The following HS6ST3 variants were observed in gnomAD, a reference collection of about 807,000 sequenced individuals.
HS6ST3 encodes the protein heparan-sulfate 6-O-sulfotransferase 3.
Under a neutral mutation model 36.7 loss-of-function variants are expected in HS6ST3, and 12 were observed. The ratio of observed to expected loss-of-function variants is 0.33; its 90% CI spans 0.21 to 0.53. The LOEUF is 0.53. HS6ST3 is among the 20% of genes least tolerant of loss of function. HS6ST3 has a pLI of 0.95. For synonymous variants in HS6ST3, 240 were observed against 257.5 expected, an observed-to-expected ratio of 0.93 and a Z score of 0.65; for missense variants, 584 against 640.9, an observed-to-expected ratio of 0.91 and a Z score of 0.96.
intron 1 of HS6ST3, among the ~76,000 whole-genome samples, chr13:96,799,990 A>ATATATGTG (rs1566456864): frequency 8.2e-6 from 1 of 122,218 alleles, no homozygotes; most frequent in African/African-American, 4.2e-5. Context: ...ATGTATATAT[A>ATATATGTG]TATATATGTA....
chr13:96,650,700 T>C (rs953666515), intron 1 of HS6ST3, among the ~76,000 whole-genome samples: 5 of 152,010 alleles, frequency 3.3e-5, no homozygotes, highest in Non-Finnish European at 5.9e-5. Context: ...TGTGGGTGAA[T>C]GCATGGGGAA....
intron 1 of HS6ST3, among the ~76,000 whole-genome samples, chr13:96,434,021 C>A (rs2055629483): frequency 6.6e-6 from 1 of 152,116 alleles, no homozygotes; most frequent in Non-Finnish European, 1.5e-5. Context: ...CAGACTAATA[C>A]AAGGGTGTAG....
intron 1 of HS6ST3, among the ~76,000 whole-genome samples, chr13:96,351,361 G>T (rs913250876): frequency 1.4e-5 from 2 of 143,188 alleles, no homozygotes; most frequent in Admixed American, 1.4e-4. Context: ...TTGCTGGGTT[G>T]CCCAGGCTGG....
At position 96,702,962 on chromosome 13, in the gene HS6ST3, T is replaced by C. The variant is rs145084879; in HGVS notation, c.708-129528T>C. On this transcript the variant is annotated intron_variant, in intron 1 of 1. Coordinates refer to ENST00000376705, the MANE Select transcript of HS6ST3 (RefSeq NM_153456.4). Reference sequence around the variant, plus strand: ...TACAGTGTTGTTATTGTTGTTATTTTATGCTCTATAACTTTGGGCTAGCCC... The same window carrying C: ...TACAGTGTTGTTATTGTTGTTATTTCATGCTCTATAACTTTGGGCTAGCCC... Among the ~76,000 whole-genome samples, 1,390 of 152,364 alleles carry C rather than the reference T, an allele frequency of 9.1e-3. 19 individuals are homozygous for C. The highest frequency in any genetic ancestry group is 0.031 in the African/African-American group (1,282 of 41,592).
intron 1 of HS6ST3, among the ~76,000 whole-genome samples, chr13:96,499,406 T>C (rs200230162): frequency 1.3e-5 from 2 of 152,158 alleles, no homozygotes; most frequent in East Asian, 3.9e-4. Flanking sequence ...GGGATACAGA[T>C]ATGAACAAAA....
At chr13:96,242,494 C>T (rs2054565587) in intron 1 of HS6ST3, among the ~76,000 whole-genome samples, 1 of 152,210 alleles carries the variant, frequency 6.6e-6, no homozygotes, top group Non-Finnish European at 1.5e-5. Context: ...GCTGGGATTA[C>T]AGGCGTGAGC....
chr13:96,778,365 A>G (rs1366509549), intron 1 of HS6ST3, among the ~76,000 whole-genome samples: 2 of 152,318 alleles, frequency 1.3e-5, no homozygotes, highest in East Asian at 3.9e-4. Flanking sequence ...AGCAAAAGAA[A>G]CTATCATCAG....
chr13:96,403,417 C>T (rs1028653259), intron 1 of HS6ST3, among the ~76,000 whole-genome samples: 4 of 152,140 alleles, frequency 2.6e-5, no homozygotes, highest in Non-Finnish European at 5.9e-5. Context: ...GAGTTTTACA[C>T]CACAATCAGA....
chr13:96,812,846 CTT>C (rs1878346416), intron 1 of HS6ST3, among the ~76,000 whole-genome samples: 2 of 152,126 alleles, frequency 1.3e-5, no homozygotes, highest in South Asian at 4.1e-4. Flanking sequence ...GGGAACATAT[CTT>C]TGATACCCAG....
chr13:96,833,442 T>C lies in HS6ST3; in HGVS notation c.*244T>C. The C allele has an allele frequency of 2.4e-6, 1 of 417,664 alleles. No individual in the cohort carries two copies. Among genetic ancestry groups the C allele is most frequent in the Non-Finnish European group, 4.2e-6 (1 of 235,662 alleles). 25.9% of individuals were successfully genotyped at this position (417,664 alleles called of 1,614,324 possible). On this transcript the variant is annotated 3_prime_UTR_variant, in exon 2 of 2. Coordinates refer to ENST00000376705, the MANE Select transcript of HS6ST3 (RefSeq NM_153456.4). The stretch of plus-strand genomic sequence containing the variant: ...GTAGGAGTGCATCCCATATAGGCCA[T>C]TTTAGAAGGCCAAGGAGAGCCACAC...
intron 1 of HS6ST3, among the ~76,000 whole-genome samples, chr13:96,523,233 G>A (rs2056100879): frequency 1.3e-5 from 2 of 152,120 alleles, no homozygotes; most frequent in Non-Finnish European, 2.9e-5. Context: ...AGAGGGATCC[G>A]CTGCTAGTCT....
chr13:96,414,938 C>T (rs1054327031), intron 1 of HS6ST3, among the ~76,000 whole-genome samples: 8 of 152,008 alleles, frequency 5.3e-5, no homozygotes, highest in Non-Finnish European at 1.2e-4. Context: ...TCTTGATATT[C>T]GTGCAAGAAA....
intron 1 of HS6ST3, among the ~76,000 whole-genome samples, chr13:96,100,925 A>G (rs1594676151): frequency 6.6e-6 from 1 of 152,170 alleles, no homozygotes; most frequent in African/African-American, 2.4e-5. Context: ...CGGATACCCC[A>G]TATTTTAGTA....
At chr13:96,514,680 C>T (rs918383346) in intron 1 of HS6ST3, among the ~76,000 whole-genome samples, 1 of 152,164 alleles carries the variant, frequency 6.6e-6, no homozygotes, top group African/African-American at 2.4e-5. Context: ...GACTTCCAAC[C>T]TCCAGAACTG....
intron 1 of HS6ST3, among the ~76,000 whole-genome samples, chr13:96,402,577 A>G (rs990709063): frequency 6.4e-4 from 97 of 152,324 alleles, no homozygotes; most frequent in African/African-American, 2.2e-3. Context: ...CTTTGCAGTC[A>G]ATACACTGTC....
rs116316377 is a variant in HS6ST3 at position 96,586,335 on chromosome 13, G to A, written c.708-246155G>A. On this transcript the variant is annotated intron_variant, in intron 1 of 1. Coordinates refer to ENST00000376705, the MANE Select transcript of HS6ST3 (RefSeq NM_153456.4). ...TTTTAAGATGATGTCTAGCTCTGTC[G>A]TCCAGGCTGAAGTGCAGTAGTGCAA... 4.0e-3 allele frequency among the ~76,000 whole-genome samples: 597 copies of A among 151,038 alleles called. 4 individuals carry two copies. Among genetic ancestry groups the A allele is most frequent in the African/African-American group, 0.014 (580 of 41,084 alleles).
chr13:96,693,461 C>T (rs984834311), intron 1 of HS6ST3, among the ~76,000 whole-genome samples: 4 of 152,062 alleles, frequency 2.6e-5, no homozygotes, highest in African/African-American at 4.8e-5. Flanking sequence ...TGCACCACCA[C>T]ACCCAGCTAA....
chr13:96,716,364 G>A (rs919694789), intron 1 of HS6ST3, among the ~76,000 whole-genome samples: 1 of 151,936 alleles, frequency 6.6e-6, no homozygotes, highest in African/African-American at 2.4e-5. Flanking sequence ...AAATAGCAAA[G>A]AATTTTTTAA....
chr13:96,586,240 T>A (rs1177603826), intron 1 of HS6ST3, among the ~76,000 whole-genome samples: 2 of 152,162 alleles, frequency 1.3e-5, no homozygotes, highest in African/African-American at 4.8e-5. Context: ...ATGGCTTTGA[T>A]TTAAATTTCC....
Sources: gnomAD v4.1 joint callset for allele counts (sites outside exome capture counted in the v4.1 genomes callset) on GRCh38, gnomAD v4.1.1 for gene constraint, MANE v1.5 for transcripts, NCBI Gene and HGNC (gene_info 2026-07-23, HGNC 2026-07-21) for gene names.